Variants in HTT observed in about 807,000 individuals in gnomAD.
HTT encodes the protein huntingtin, also known as huntington disease protein.
In HTT, 104 loss-of-function variants were observed where a neutral mutation model predicts 362.3. The ratio of observed to expected loss-of-function variants is 0.29; its 90% CI spans 0.24 to 0.34. HTT has a LOEUF of 0.34. Among genes scored for constraint, HTT ranks in the 10% least tolerant of loss-of-function variants. The pLI is 1.00. For missense variants in HTT, 3,301 were observed against 3,928.6 expected, an observed-to-expected ratio of 0.84 and a Z score of 4.27; for synonymous variants, 1,577 against 1,548.7, an observed-to-expected ratio of 1.02 and a Z score of -0.43.
At chr4:3,219,705 A>G (rs1720588756) in intron 52 of HTT, among the ~76,000 whole-genome samples, 1 of 152,158 alleles carries the variant, frequency 6.6e-6, no homozygotes. Flanking sequence ...CTGCCTCTGG[A>G]TTCTTCTGTG....
intron 49 of HTT, 44 bp downstream of exon 49, chr4:3,212,753 C>T (rs1413303276): frequency 1.9e-6 from 3 of 1,606,914 alleles, no homozygotes; most frequent in Non-Finnish European, 2.6e-6. Context: ...GGGGAGGGGG[C>T]ATGGGGCTGA....
intron 3 of HTT, among the ~76,000 whole-genome samples, chr4:3,103,221 A>AT (rs748779241): frequency 0.59 from 63,972 of 108,968 alleles, 20,506 homozygotes; most frequent in Middle Eastern, 0.71. Context: ...TATATATATA[A>AT]TTTTTTTTTT....
intron 41 of HTT, 28 bp from the exon 42 acceptor site, chr4:3,203,979 T>C: frequency 1.2e-6 from 2 of 1,610,244 alleles, no homozygotes; most frequent in Non-Finnish European, 1.7e-6. Flanking sequence ...TCCAGAAACA[T>C]TGTCAATGCA....
At chr4:3,217,719 A>T in intron 51 of HTT, 46 bp from the exon 52 acceptor site, 1 of 1,510,302 alleles carries the variant, frequency 6.6e-7, no homozygotes, top group Non-Finnish European at 9.1e-7. Context: ...CTGGGCATAT[A>T]GGATGTGTTT....
rs995733124 is a variant in HTT at position 3,242,811 on chromosome 4, T to G, written c.*2752T>G. On this transcript the variant is annotated 3_prime_UTR_variant, in exon 67 of 67. Coordinates refer to ENST00000355072, the MANE Select transcript of HTT (RefSeq NM_001388492.1). ...AGATTTTAATGAAACCAGGGTAGAA[T>G]TGTTTGGCAATGCACTGAAGCGTGT... The G allele has an allele frequency of 6.6e-6, 1 of 152,188 alleles. No individual in the cohort carries two copies. The highest frequency in any genetic ancestry group is 1.5e-5 in the Non-Finnish European group (1 of 68,038). 9.4% of individuals were successfully genotyped at this position (152,188 alleles called of 1,614,324 possible).
At chr4:3,089,811 G>A (rs1415945536) in intron 2 of HTT, among the ~76,000 whole-genome samples, 5 of 152,178 alleles carry the variant, frequency 3.3e-5, no homozygotes, top group Non-Finnish European at 7.4e-5. Flanking sequence ...TCTTAAGATT[G>A]ATTTGTGGTT....
intron 21 of HTT, among the ~76,000 whole-genome samples, chr4:3,137,387 A>G (rs61792513): frequency 0.082 from 12,448 of 151,982 alleles, 636 homozygotes; most frequent in African/African-American, 0.15. Context: ...CTAGGCAGCC[A>G]CTCATCTATT....
At position 3,127,684 on chromosome 4, in the gene HTT, C is replaced by A. The variant is rs1715587051; in HGVS notation, c.1743+80C>A. On this transcript the variant is annotated intron_variant, in intron 12 of 66. Transcript: ENST00000355072. ...GTCTCACTCCATAGTGCAGTGGAGG[C>A]CGGGCACAGGGGCTCATGCCTGTAA... The A allele has an allele frequency of 4.7e-6, 5 of 1,058,546 alleles. No homozygotes were observed. In the South Asian group the frequency reaches 6.3e-5, roughly 13 times the overall value. The allele number at this position is 1,058,546 out of a possible 1,614,324, so 65.6% of individuals were successfully genotyped here.
chr4:3,140,421 T>A (rs991299106), intron 21 of HTT, 89 bp from the exon 22 acceptor site: 36 of 1,144,346 alleles, frequency 3.1e-5, no homozygotes, highest in Non-Finnish European at 4.5e-5. Context: ...CCAGAGGTGT[T>A]GGCTTAGCCA....
intron 1 of HTT, among the ~76,000 whole-genome samples, chr4:3,083,552 C>T (rs1281715507): frequency 0.057 from 8,370 of 146,206 alleles, 548 homozygotes; most frequent in African/African-American, 0.14. Flanking sequence ...CACACACACA[C>T]ACACACACAC....
intron 61 of HTT, 57 bp downstream of exon 61, chr4:3,233,410 A>G: frequency 1.3e-6 from 2 of 1,506,438 alleles, no homozygotes; most frequent in Non-Finnish European, 1.8e-6. Flanking sequence ...CTGTGAAGGA[A>G]GCAGCATCAC....
At chr4:3,214,244 T>C (rs1041365575) in intron 50 of HTT, 109 bp downstream of exon 50, 10 of 819,140 alleles carry the variant, frequency 1.2e-5, no homozygotes, top group Admixed American at 4.1e-5. Flanking sequence ...GAATTGGGGA[T>C]GGAGAGGTAG....
In HTT at chr4:3,228,754, A is replaced by G. The variant is rs772999792; in HGVS notation, c.7979+9A>G. On this transcript the variant is annotated intron_variant, in intron 58 of 66. Transcript: ENST00000355072. This position sits in a 1 kb window ranked among gnomAD's most constrained non-coding sequence, Gnocchi z 4.3. ...TCTCCAGTCAACTCCAGGTTTTCCA[A>G]TGGCCTTTTTCTTTTTAACAGAAAT... 17 of 1,575,006 alleles carry G rather than the reference A, an allele frequency of 1.1e-5. No homozygotes were observed. The highest frequency in any genetic ancestry group is 1.4e-5 in the Non-Finnish European group (16 of 1,158,510).
At chr4:3,191,607 A>C (rs1047513585) in intron 40 of HTT, among the ~76,000 whole-genome samples, 3 of 152,230 alleles carry the variant, frequency 2.0e-5, no homozygotes, top group African/African-American at 4.8e-5. Context: ...TAATTTGGCA[A>C]GTAGATGGTA....
intron 40 of HTT, among the ~76,000 whole-genome samples, chr4:3,194,473 CTTTG>C (rs1719156535): frequency 6.6e-6 from 1 of 152,196 alleles, no homozygotes; most frequent in African/African-American, 2.4e-5. Flanking sequence ...GAAACATCAG[CTTTG>C]TTTGTTGTCC....
intron 40 of HTT, among the ~76,000 whole-genome samples, chr4:3,197,185 T>G (rs1021417756): frequency 1.3e-5 from 2 of 152,144 alleles, no homozygotes; most frequent in African/African-American, 4.8e-5. Flanking sequence ...CGTTACTGTT[T>G]TCTCTGTGTT....
At chr4:3,129,775 C>T in intron 12 of HTT, 149 bp from the exon 13 acceptor site, 3 of 864,608 alleles carry the variant, frequency 3.5e-6, no homozygotes, top group Admixed American at 4.2e-5. Context: ...TCCATGCGTG[C>T]ATTTCTGTGC....
intron 40 of HTT, among the ~76,000 whole-genome samples, chr4:3,191,192 A>C (rs914812938): frequency 1.5e-5 from 2 of 133,222 alleles, no homozygotes; most frequent in Non-Finnish European, 3.3e-5. Context: ...TTTTTTTTTG[A>C]GACAGAGTTT....
At chr4:3,104,216 C>G (rs1714300281) in intron 4 of HTT, among the ~76,000 whole-genome samples, 1 of 152,036 alleles carries the variant, frequency 6.6e-6, no homozygotes, top group Non-Finnish European at 1.5e-5. Flanking sequence ...TTGGGCTGGT[C>G]TCAAACTCCT....
Sources: gnomAD v4.1 joint callset for allele counts (sites outside exome capture counted in the v4.1 genomes callset) on GRCh38, gnomAD v4.1.1 for gene constraint, Gnocchi (gnomAD v3.1) non-coding constraint, MANE v1.5 for transcripts, NCBI Gene and HGNC (gene_info 2026-07-23, HGNC 2026-07-21) for gene names.